The following TLN2 variants were observed in gnomAD, a reference collection of about 807,000 sequenced individuals.
The protein encoded by TLN2 is talin-2.
Under a neutral mutation model 294.7 loss-of-function variants are expected in TLN2, and 118 were observed. That is an observed-to-expected ratio of 0.40 (90% confidence interval 0.34 to 0.47). TLN2 has a LOEUF of 0.47. Ranked by LOEUF, TLN2 falls within the 20% of genes least tolerant of loss-of-function variation. TLN2 has a pLI of 0.84. For missense variants in TLN2, 3,083 were observed against 3,282.2 expected, an observed-to-expected ratio of 0.94 and a Z score of 1.48; for synonymous variants, 1,431 against 1,304.5, an observed-to-expected ratio of 1.10 and a Z score of -2.09.
intron 13 of TLN2, among the ~76,000 whole-genome samples, chr15:62,693,159 G>A (rs8026020): frequency 0.026 from 3,932 of 152,140 alleles, 168 homozygotes; most frequent in African/African-American, 0.09. Context: ...GCAAAACCCC[G>A]TCTCTACTAA....
chr15:62,528,086 T>C (rs1210413448), intron 1 of TLN2, among the ~76,000 whole-genome samples: 5 of 152,242 alleles, frequency 3.3e-5, no homozygotes, highest in African/African-American at 1.2e-4. Context: ...TATACTTTTG[T>C]TCATTAAAAT....
At chr15:62,412,875 A>T (rs1338440345) in intron 1 of TLN2, among the ~76,000 whole-genome samples, 1 of 152,230 alleles carries the variant, frequency 6.6e-6, no homozygotes, top group Non-Finnish European at 1.5e-5. Flanking sequence ...GAGGAACTAA[A>T]GGCCTGCTGT....
Position 62,833,551 on chromosome 15 carries a change from T to A in TLN2, c.7050T>A (p.Ala2350=). ...LDFEEQILEA[A]KSIAAATSAL... is the part of the protein sequence containing the mutation. ...TTGAGGAACAGATCTTGGAAGCTGCTAAATCCATTGCTGCTGCCACAAGCG... is the reference window on the plus strand; with the variant it reads ...TTGAGGAACAGATCTTGGAAGCTGCAAAATCCATTGCTGCTGCCACAAGCG... The change falls in exon 55 of 59, where the codon GCT becomes GCA. Residue 2350 remains alanine, a synonymous_variant. Coordinates refer to ENST00000636159, the MANE Select transcript of TLN2 (RefSeq NM_015059.3). The A allele has an allele frequency of 6.2e-7, 1 of 1,614,166 alleles. No individual in the cohort carries two copies. Among genetic ancestry groups the A allele is most frequent in the African/African-American group, 1.3e-5 (1 of 75,040 alleles).
In TLN2 at chr15:62,446,168, C is replaced by T. The variant is rs540845477; in HGVS notation, c.-238+55483C>T. On this transcript the variant is annotated intron_variant, in intron 1 of 58. Transcript: ENST00000636159. ...ACTACAGGCGCCCGCCACCACGCCC[C>T]GCTAATTTTTTGGTAGAGACAGGGT... Among the ~76,000 whole-genome samples the T allele has an allele frequency of 3.9e-5, 6 of 151,944 alleles. No individual in the cohort carries two copies. The East Asian group carries it at 7.8e-4, about 20-fold the overall frequency.
At chr15:62,581,044 C>A (rs917043662) in intron 1 of TLN2, among the ~76,000 whole-genome samples, 2 of 151,916 alleles carry the variant, frequency 1.3e-5, no homozygotes, top group Admixed American at 6.6e-5. Context: ...CCACCATGCC[C>A]GGCTAATTTT....
intron 2 of TLN2, among the ~76,000 whole-genome samples, chr15:62,596,404 A>T (rs1433673761): frequency 6.6e-6 from 1 of 152,178 alleles, no homozygotes. Context: ...ATGACACATT[A>T]TAGCATGTTC....
intron 35 of TLN2, 111 bp downstream of exon 35, chr15:62,752,538 G>A (rs1199786821): frequency 2.1e-6 from 3 of 1,455,948 alleles, no homozygotes; most frequent in Admixed American, 2.3e-5. Context: ...GAAACCATGG[G>A]AAAGGCAGTG....
chr15:62,564,385 C>A (rs1230571423), intron 1 of TLN2, among the ~76,000 whole-genome samples: 1 of 152,122 alleles, frequency 6.6e-6, no homozygotes, highest in Non-Finnish European at 1.5e-5. Context: ...TCAGAATTAT[C>A]CCTGGTAGAG....
At chr15:62,769,507 C>G (rs2063220235) in intron 41 of TLN2, among the ~76,000 whole-genome samples, 2 of 152,220 alleles carry the variant, frequency 1.3e-5, no homozygotes, top group Admixed American at 6.5e-5. Context: ...CCCTATTCAC[C>G]AGGTTTGAAA....
chr15:62,728,225 A>G (rs374871679), intron 28 of TLN2, among the ~76,000 whole-genome samples: 85 of 152,326 alleles, frequency 5.6e-4, no homozygotes, highest in South Asian at 5.2e-3. Context: ...AAGTAAATGG[A>G]ATAATACAAT....
chr15:62,705,726 G>A (rs188567315), intron 19 of TLN2, among the ~76,000 whole-genome samples: 135 of 152,346 alleles, frequency 8.9e-4, no homozygotes, highest in African/African-American at 3.1e-3. Context: ...TGAGATAGAT[G>A]TCCAGGAATT....
Position 62,841,794 on chromosome 15 carries a change from CCCTTAATCTGCACCTTTAG to C in TLN2, c.*1187_*1205del, listed in dbSNP as rs1285625577. On this transcript the variant is annotated 3_prime_UTR_variant, in exon 59 of 59. Transcript: ENST00000636159. ...ATAGGAAGGGAAGGGCTTGAATTTA[CCCTTAATCTGCACCTTTAG>C]CCAAGGCAGTGCATGGAAGATGAAT... The C allele has an allele frequency of 1.3e-5, 2 of 152,136 alleles. No individual in the cohort carries two copies. The highest frequency in any genetic ancestry group is 1.9e-4 in the East Asian group (1 of 5,184). 9.4% of individuals were successfully genotyped at this position (152,136 alleles called of 1,614,324 possible).
chr15:62,620,812 GCTT>G (rs1474280787), intron 3 of TLN2, among the ~76,000 whole-genome samples: 3 of 143,764 alleles, frequency 2.1e-5, no homozygotes, highest in African/African-American at 7.8e-5. Context: ...CCTGAAACCT[GCTT>G]CTTTTTTTTT....
intron 1 of TLN2, among the ~76,000 whole-genome samples, chr15:62,532,074 G>C (rs1361107692): frequency 6.8e-6 from 1 of 146,682 alleles, no homozygotes; most frequent in East Asian, 2.0e-4. Context: ...TTGTGAGACA[G>C]GTACTCACTT....
chr15:62,722,162 T>G (rs2060188074), intron 25 of TLN2, among the ~76,000 whole-genome samples, 191 bp from the exon 26 acceptor site: 1 of 152,150 alleles, frequency 6.6e-6, no homozygotes, highest in South Asian at 2.1e-4. Context: ...TTTTTAAACA[T>G]TCCTAGAAGG....
intron 1 of TLN2, among the ~76,000 whole-genome samples, chr15:62,492,561 GAAAAA>G (rs922229986): frequency 3.7e-4 from 50 of 134,476 alleles, no homozygotes; most frequent in African/African-American, 1.4e-3. Context: ...AAAAAAAAAA[GAAAAA>G]AAGAAAAAAA....
chr15:62,652,191 C>T, intron 6 of TLN2, 57 bp downstream of exon 6: 2 of 1,441,630 alleles, frequency 1.4e-6, no homozygotes, highest in Non-Finnish European at 1.8e-6. Flanking sequence ...TTACAGGCCT[C>T]TTCTTTTTTC....
At chr15:62,464,130 T>C (rs930278730) in intron 1 of TLN2, among the ~76,000 whole-genome samples, 2 of 152,206 alleles carry the variant, frequency 1.3e-5, no homozygotes, top group Non-Finnish European at 2.9e-5. Flanking sequence ...AAACGTGTGT[T>C]TATTGTGGCA....
rs1474371627 is a variant in TLN2, at chr15:62,692,895, A to T, written c.1169A>T (p.Gln390Leu). 5 of 1,613,766 alleles carry T rather than the reference A, an allele frequency of 3.1e-6. No individual in the cohort carries two copies. The East Asian group carries it at 6.7e-5, about 22-fold the overall frequency. Residue 390 changes from glutamine (Q) to leucine (L), a missense_variant, in exon 13 of 59, where the codon CAG becomes CTG. Coordinates refer to ENST00000636159, the MANE Select transcript of TLN2 (RefSeq NM_015059.3). The part of the protein sequence containing the change: ...YYSVQTTEGE[Q>L]ISQLIAGYID... ...TCAGTACAAACCACCGAGGGAGAGC[A>T]GATATCCCAGCTGATTGCAGGCTAC...
Sources: gnomAD v4.1 joint callset for allele counts (sites outside exome capture counted in the v4.1 genomes callset) on GRCh38, gnomAD v4.1.1 for gene constraint, MANE v1.5 for transcripts, NCBI Gene and HGNC (gene_info 2026-07-23, HGNC 2026-07-21) for gene names.